TMEM131L: variants seen among roughly 807,000 people sequenced by gnomAD.
TMEM131L encodes the protein transmembrane protein 131-like.
A neutral mutation model predicts 192.2 loss-of-function variants in TMEM131L; 54 were observed. That is an observed-to-expected ratio of 0.28 (90% CI 0.23 to 0.35). TMEM131L has a LOEUF of 0.35. TMEM131L is among the 10% of genes least tolerant of loss of function. The pLI is 1.00. For synonymous variants in TMEM131L, 701 were observed against 704.9 expected, an observed-to-expected ratio of 0.99 and a Z score of 0.09; for missense variants, 1,888 against 1,972.9, an observed-to-expected ratio of 0.96 and a Z score of 0.82.
chr4:153,469,079 C>G (rs1481713245), intron 2 of TMEM131L, among the ~76,000 whole-genome samples: 1 of 152,050 alleles, frequency 6.6e-6, no homozygotes, highest in Non-Finnish European at 1.5e-5. Context: ...TTATACAATT[C>G]TTAATTTCTG....
At chr4:153,616,815 T>G (rs2126663095) in intron 26 of TMEM131L, among the ~76,000 whole-genome samples, 1 of 152,340 alleles carries the variant, frequency 6.6e-6, no homozygotes, top group South Asian at 2.1e-4. Flanking sequence ...ATGGGGAGCT[T>G]TGTTTTCAGT....
chr4:153,578,106 CAG>C (rs898704583), intron 7 of TMEM131L, among the ~76,000 whole-genome samples: 74 of 152,202 alleles, frequency 4.9e-4, no homozygotes, highest in African/African-American at 1.7e-3. Flanking sequence ...TGTAACAGGA[CAG>C]GGGGCTGGTG....
At chr4:153,548,659 C>G (rs1043033764) in intron 3 of TMEM131L, among the ~76,000 whole-genome samples, 4 of 152,056 alleles carry the variant, frequency 2.6e-5, no homozygotes, top group Admixed American at 1.3e-4. Context: ...GAGGTACAAA[C>G]AGACTATAAT....
intron 9 of TMEM131L, among the ~76,000 whole-genome samples, chr4:153,581,996 G>A (rs1730369326): frequency 6.6e-6 from 1 of 152,186 alleles, no homozygotes. Context: ...TAGAATTTTA[G>A]TGTTCAGTTT....
At chr4:153,585,635 A>C (rs1474408157) in intron 13 of TMEM131L, 24 bp downstream of exon 13, 2 of 1,546,154 alleles carry the variant, frequency 1.3e-6, no homozygotes, top group African/African-American at 2.8e-5. Context: ...TTTTTCCCCA[A>C]GTTTTAGCTT....
chr4:153,628,587 T>C (rs1343968122), intron 31 of TMEM131L, among the ~76,000 whole-genome samples: 2 of 152,236 alleles, frequency 1.3e-5, no homozygotes, highest in African/African-American at 2.4e-5. Flanking sequence ...TTTGGACTTG[T>C]CCAGTTATCA....
chr4:153,475,066 C>G (rs1468269026), intron 3 of TMEM131L, among the ~76,000 whole-genome samples: 5 of 152,220 alleles, frequency 3.3e-5, no homozygotes, highest in Non-Finnish European at 5.9e-5. Context: ...TTCACAATCT[C>G]TTTTCTCCAC....
chr4:153,591,009 A>G (rs1250616677), intron 16 of TMEM131L, 44 bp from the exon 17 acceptor site: 8 of 1,313,250 alleles, frequency 6.1e-6, no homozygotes, highest in South Asian at 1.8e-5. Context: ...AAATTTTTAA[A>G]TATCAAAATA....
chr4:153,604,509 C>A, intron 25 of TMEM131L, 79 bp downstream of exon 25: 1 of 1,367,106 alleles, frequency 7.3e-7, no homozygotes, highest in Non-Finnish European at 1.0e-6. Context: ...TCACCTGTGA[C>A]CGTTAGTTTT....
At chr4:153,591,529 G>A (rs1419655133) in intron 17 of TMEM131L, among the ~76,000 whole-genome samples, 2 of 152,294 alleles carry the variant, frequency 1.3e-5, no homozygotes, top group Non-Finnish European at 2.9e-5. Flanking sequence ...TCTCTGTGAT[G>A]CCATCAGGGA....
chr4:153,590,341 C>T (rs1730983719), intron 16 of TMEM131L, among the ~76,000 whole-genome samples: 1 of 152,204 alleles, frequency 6.6e-6, no homozygotes, highest in African/African-American at 2.4e-5. Context: ...TATGAGTTAT[C>T]TGGTTGAACT....
intron 28 of TMEM131L, 50 bp downstream of exon 28, chr4:153,621,899 T>G: frequency 6.4e-7 from 1 of 1,572,204 alleles, no homozygotes; most frequent in Non-Finnish European, 8.7e-7. Context: ...GAATTTTTGT[T>G]TCCTCAATGA....
chr4:153,615,548 G>A (rs1211880723), intron 26 of TMEM131L, among the ~76,000 whole-genome samples: 1 of 152,182 alleles, frequency 6.6e-6, no homozygotes, highest in African/African-American at 2.4e-5. Context: ...TATACAAAAA[G>A]CTAGGCCTAA....
chr4:153,476,864 T>C (rs770984316), intron 3 of TMEM131L, among the ~76,000 whole-genome samples: 4 of 152,192 alleles, frequency 2.6e-5, no homozygotes, highest in Non-Finnish European at 5.9e-5. Flanking sequence ...TAGATTCCAT[T>C]GAATTTATTT....
intron 3 of TMEM131L, among the ~76,000 whole-genome samples, chr4:153,496,273 C>A (rs1733162353): frequency 6.6e-6 from 1 of 152,174 alleles, no homozygotes; most frequent in Non-Finnish European, 1.5e-5. Flanking sequence ...ATCCATGGAA[C>A]ACTTTATTTA....
chr4:153,517,956 T>A (rs1383424836), intron 3 of TMEM131L, among the ~76,000 whole-genome samples: 4 of 152,098 alleles, frequency 2.6e-5, no homozygotes, highest in African/African-American at 9.7e-5. Flanking sequence ...TTTGCCCAAT[T>A]TGAGTGGTGG....
At position 153,593,854 on chromosome 4, in the gene TMEM131L, G is replaced by A. The variant is rs370464671; in HGVS notation, c.1978G>A (p.Glu660Lys). 3.5e-5 allele frequency: 57 copies of A among 1,612,554 alleles called. No individual in the cohort carries two copies. The highest frequency in any genetic ancestry group is 1.3e-4 in the Admixed American group (8 of 59,996). Residue 660 changes from glutamate to lysine, a missense_variant, in exon 19 of 35, where the codon GAA becomes AAA. By Grantham distance (56) the Glu-to-Lys change is moderately conservative. Coordinates refer to ENST00000409959, the MANE Select transcript of TMEM131L (RefSeq NM_001131007.2). ...NFTTGEFQLTEACPYLGTHSE... is the reference protein window; with the variant it reads ...NFTTGEFQLTKACPYLGTHSE... ...CACAACTGGTGAATTCCAGCTCACC[G>A]AAGCTTGCCCTTACCTGGTAGGATG...
intron 25 of TMEM131L, among the ~76,000 whole-genome samples, chr4:153,605,530 A>G (rs1348481421): frequency 6.6e-6 from 1 of 152,118 alleles, no homozygotes; most frequent in African/African-American, 2.4e-5. Flanking sequence ...ATCATGCCCA[A>G]CTAATTTTTG....
At chr4:153,605,421 G>T (rs1235817738) in intron 25 of TMEM131L, among the ~76,000 whole-genome samples, 2 of 152,252 alleles carry the variant, frequency 1.3e-5, no homozygotes, top group Admixed American at 6.5e-5. Context: ...AGGTTGGACT[G>T]CAGTGGCGCA....
Sources: gnomAD v4.1 joint callset for allele counts (sites outside exome capture counted in the v4.1 genomes callset) on GRCh38, gnomAD v4.1.1 for gene constraint, MANE v1.5 for transcripts, NCBI Gene and HGNC (gene_info 2026-07-23, HGNC 2026-07-21) for gene names.